Variants in DMRT1 observed in about 807,000 individuals in gnomAD.
DMRT1 encodes doublesex- and mab-3-related transcription factor 1.
Under a neutral mutation model 32.3 loss-of-function variants are expected in DMRT1, and 7 were observed. That is an observed-to-expected ratio of 0.22 (90% CI 0.12 to 0.41). The LOEUF is 0.41. Ranked by LOEUF, DMRT1 falls within the 10% of genes least tolerant of loss-of-function variation. DMRT1 has a pLI of 1.00. For missense variants in DMRT1, 625 were observed against 500.5 expected, an observed-to-expected ratio of 1.25 and a Z score of -2.37; for synonymous variants, 278 against 206.1, an observed-to-expected ratio of 1.35 and a Z score of -2.99.
chr9:877,636 A>G (rs1816558697), intron 2 of DMRT1, among the ~76,000 whole-genome samples: 2 of 152,216 alleles, frequency 1.3e-5, no homozygotes, highest in Admixed American at 1.3e-4. Context: ...TAAATATGGA[A>G]TTGTATATAT....
At chr9:915,428 C>T (rs1818140751) in intron 3 of DMRT1, among the ~76,000 whole-genome samples, 1 of 152,116 alleles carries the variant, frequency 6.6e-6, no homozygotes, top group Non-Finnish European at 1.5e-5. Flanking sequence ...TATATAAAAG[C>T]TATCTCATGG....
intron 3 of DMRT1, among the ~76,000 whole-genome samples, chr9:906,151 T>G (rs977992461): frequency 2.6e-5 from 4 of 152,148 alleles, no homozygotes; most frequent in African/African-American, 9.7e-5. Flanking sequence ...GTGGACTCCC[T>G]TCATGGTCTT....
chr9:922,047 AT>A (rs57802048), intron 4 of DMRT1, among the ~76,000 whole-genome samples: 84,566 of 150,050 alleles, frequency 0.56, 26,043 homozygotes, highest in South Asian at 0.71. Context: ...CGCCCAGCTA[AT>A]TTTTTTTTTT....
intron 3 of DMRT1, among the ~76,000 whole-genome samples, chr9:897,561 C>A (rs1468974907): frequency 1.3e-5 from 2 of 150,250 alleles, no homozygotes. Context: ...TACTGGACTC[C>A]AGCCTGGGTA....
At chr9:880,784 T>C (rs891452512) in intron 2 of DMRT1, among the ~76,000 whole-genome samples, 5 of 150,612 alleles carry the variant, frequency 3.3e-5, no homozygotes, top group African/African-American at 9.8e-5. Context: ...TAGTTTGCCA[T>C]GTGCTAAGGA....
intron 2 of DMRT1, among the ~76,000 whole-genome samples, chr9:885,426 G>C (rs1196441277): frequency 6.6e-6 from 1 of 152,192 alleles, no homozygotes; most frequent in African/African-American, 2.4e-5. Flanking sequence ...TCAGAAAGGA[G>C]ATGGTTTTCC....
chr9:855,898 C>A (rs1353683687), intron 2 of DMRT1, among the ~76,000 whole-genome samples: 5 of 151,286 alleles, frequency 3.3e-5, no homozygotes, highest in Non-Finnish European at 5.9e-5. Context: ...GGATTACAGG[C>A]ATGAGGCAGC....
chr9:849,441 G>A (rs908632523), intron 2 of DMRT1, among the ~76,000 whole-genome samples: 3 of 152,224 alleles, frequency 2.0e-5, no homozygotes, highest in South Asian at 4.1e-4. Flanking sequence ...GGCCAGTGAC[G>A]GATCAGTGTC....
intron 4 of DMRT1, among the ~76,000 whole-genome samples, chr9:934,979 A>C (rs1229885104): frequency 6.6e-6 from 1 of 152,162 alleles, no homozygotes; most frequent in African/African-American, 2.4e-5. Context: ...CAGCTGTCTC[A>C]ACTATATCTT....
chr9:892,290 G>A (rs557479661), intron 2 of DMRT1, among the ~76,000 whole-genome samples: 1 of 152,194 alleles, frequency 6.6e-6, no homozygotes, highest in Admixed American at 6.5e-5. Context: ...TTCTGTAACA[G>A]CTCCTCCCTT....
In DMRT1 at chr9:917,641, T is replaced by C. The variant is rs570992310; in HGVS notation, c.967+734T>C. 4.8e-4 allele frequency among the ~76,000 whole-genome samples: 73 copies of C among 152,302 alleles called. No individual in the cohort carries two copies. The South Asian group carries it at 5.6e-3, about 12-fold the overall frequency. ...GGAAATCAGGGCAGTAGAGGGTGTC[T>C]TGGAAGAGAAACCAATCTAGAAGAA... is the stretch of plus-strand genomic sequence containing the variant. On this transcript the variant is annotated intron_variant, in intron 4 of 4. Coordinates refer to ENST00000382276, the MANE Select transcript of DMRT1 (RefSeq NM_021951.3).
At chr9:843,203 C>T (rs1838763373) in intron 1 of DMRT1, among the ~76,000 whole-genome samples, 1 of 152,188 alleles carries the variant, frequency 6.6e-6, no homozygotes, top group Admixed American at 6.5e-5. Flanking sequence ...GCTAGGTTAG[C>T]GGGAAAGGGA....
chr9:860,568 A>G (rs1383466814), intron 2 of DMRT1, among the ~76,000 whole-genome samples: 6 of 152,258 alleles, frequency 3.9e-5, no homozygotes, highest in Middle Eastern at 3.4e-3. Context: ...AGCAGTGCAT[A>G]TATCTCTCAC....
chr9:844,943 A>G (rs1162557399), intron 1 of DMRT1, among the ~76,000 whole-genome samples: 1 of 151,958 alleles, frequency 6.6e-6, no homozygotes, highest in Non-Finnish European at 1.5e-5. Context: ...GCTGGTCTCA[A>G]ACTCCTGACC....
At chr9:872,147 T>C (rs1046521785) in intron 2 of DMRT1, among the ~76,000 whole-genome samples, 2 of 151,174 alleles carry the variant, frequency 1.3e-5, no homozygotes, top group African/African-American at 4.9e-5. Context: ...CTGCAACCTC[T>C]GCCTCCCAGG....
intron 4 of DMRT1, among the ~76,000 whole-genome samples, chr9:942,248 CT>C: frequency 6.6e-6 from 1 of 152,180 alleles, no homozygotes; most frequent in East Asian, 1.9e-4. Context: ...GGCAATGTGT[CT>C]TTCTTTAAAG....
rs189884445 is a variant in DMRT1 at position 844,804 on chromosome 9, T to C, written c.355-2156T>C. ...GGCATGATTTCAGCTCACGGCAACC[T>C]CCGCCTCCTGGGTTCAAGCGATTCT... On this transcript the variant is annotated intron_variant, in intron 1 of 4. Transcript: ENST00000382276. Among the ~76,000 whole-genome samples the C allele has an allele frequency of 2.5e-3, 359 of 143,294 alleles. 1 individual carries two copies. Among genetic ancestry groups the C allele is most frequent in the African/African-American group, 9.0e-3 (351 of 38,866 alleles). The allele number at this position is 143,294 out of a possible 152,430, so 94.0% of individuals were successfully genotyped here.
chr9:962,116 T>C (rs890403805), intron 4 of DMRT1, among the ~76,000 whole-genome samples: 1 of 152,288 alleles, frequency 6.6e-6, no homozygotes, highest in Admixed American at 6.5e-5. Flanking sequence ...GGTTAAAACA[T>C]AGTTTTAGAG....
At chr9:908,494 C>G (rs1817859459) in intron 3 of DMRT1, among the ~76,000 whole-genome samples, 1 of 152,142 alleles carries the variant, frequency 6.6e-6, no homozygotes, top group Non-Finnish European at 1.5e-5. Flanking sequence ...GTGAATTTCT[C>G]TTCCATGCCC....
Sources: allele counts gnomAD v4.1 joint callset (sites outside exome capture counted in the v4.1 genomes callset), GRCh38; gene constraint gnomAD v4.1.1; transcripts MANE v1.5; gene names NCBI Gene and HGNC (gene_info 2026-07-23, HGNC 2026-07-21).